The following SPHKAP variants were observed in gnomAD, a reference collection of about 807,000 sequenced individuals.
SPHKAP encodes the protein A-kinase anchor protein SPHKAP.
In SPHKAP, 67 loss-of-function variants were observed where a neutral mutation model predicts 137.5. The ratio of observed to expected loss-of-function variants is 0.49; its 90% CI spans 0.40 to 0.60. SPHKAP has a LOEUF of 0.60. SPHKAP is among the 20% of genes least tolerant of loss of function. SPHKAP has a pLI of 0.00. For missense variants in SPHKAP, 2,097 were observed against 2,069.3 expected (o/e 1.01, Z -0.26); for synonymous variants, 813 against 785.3 (o/e 1.04, Z -0.59).
chr2:228,009,864 C>T (rs2106195773), intron 7 of SPHKAP, among the ~76,000 whole-genome samples: 1 of 152,284 alleles, frequency 6.6e-6, no homozygotes, highest in Admixed American at 6.5e-5. Context: ...ATTCTTCACT[C>T]TGGCTAGTTG....
rs1343548749 is a variant in SPHKAP at position 228,132,058 on chromosome 2, G to T, written c.60C>A (p.Asp20Glu). ...PSNLESSRMY[D>E]VLEPQQGRGC... Reference sequence around the variant, plus strand: ...CTCTGCCCTGCTGCGGTTCCAAAACGTCATACATCCGTGATGACTCCAAGT... The same window carrying T: ...CTCTGCCCTGCTGCGGTTCCAAAACTTCATACATCCGTGATGACTCCAAGT... Residue 20 changes from aspartate (D) to glutamate (E), a missense_variant, in exon 2 of 12, where the codon GAC becomes GAA. Coordinates refer to ENST00000392056, the MANE Select transcript of SPHKAP (RefSeq NM_001142644.2). 2 of 1,613,906 alleles carry T rather than the reference G, an allele frequency of 1.2e-6. No individual in the cohort carries two copies. The highest frequency in any genetic ancestry group is 2.2e-5 in the South Asian group (2 of 91,082).
At chr2:228,180,073 C>T (rs1700855765) in intron 1 of SPHKAP, among the ~76,000 whole-genome samples, 1 of 151,918 alleles carries the variant, frequency 6.6e-6, no homozygotes, top group Non-Finnish European at 1.5e-5. Context: ...ACATCACTGG[C>T]AATTTTTTTT....
At chr2:228,002,763 T>A (rs1574729731) in intron 7 of SPHKAP, among the ~76,000 whole-genome samples, 2 of 152,314 alleles carry the variant, frequency 1.3e-5, no homozygotes, top group South Asian at 4.1e-4. Context: ...AAGGAAGGGA[T>A]CCAGTTTCAG....
intron 7 of SPHKAP, among the ~76,000 whole-genome samples, chr2:228,001,443 ATG>A (rs1693879233): frequency 7.0e-6 from 1 of 142,322 alleles, no homozygotes; most frequent in East Asian, 2.0e-4. Context: ...AAATATATAT[ATG>A]TATATATACG....
chr2:228,156,985 C>T (rs549916733), intron 1 of SPHKAP, among the ~76,000 whole-genome samples: 1 of 152,230 alleles, frequency 6.6e-6, no homozygotes, highest in Admixed American at 6.5e-5. Context: ...ATTAATACAG[C>T]TACTGGGCAG....
At chr2:228,144,476 G>C (rs76903397) in intron 1 of SPHKAP, among the ~76,000 whole-genome samples, 1 of 143,972 alleles carries the variant, frequency 6.9e-6, no homozygotes, top group African/African-American at 2.5e-5. Flanking sequence ...TTCATATATA[G>C]AAACATGAAA....
intron 3 of SPHKAP, among the ~76,000 whole-genome samples, chr2:228,039,730 A>G (rs1695767752): frequency 6.6e-6 from 1 of 152,208 alleles, no homozygotes; most frequent in Non-Finnish European, 1.5e-5. Flanking sequence ...ATTTTGACAG[A>G]TAAAGTCAGA....
chr2:227,993,412 G>C, intron 9 of SPHKAP, 122 bp downstream of exon 9: 1 of 874,442 alleles, frequency 1.1e-6, no homozygotes, highest in Non-Finnish European at 1.8e-6. Context: ...CAGTGACATG[G>C]AACCACAGCA....
At chr2:228,174,893 T>C (rs1700693850) in intron 1 of SPHKAP, among the ~76,000 whole-genome samples, 1 of 151,306 alleles carries the variant, frequency 6.6e-6, no homozygotes, top group Non-Finnish European at 1.5e-5. Flanking sequence ...ATGGAAATGC[T>C]AAAAATGTAA....
intron 1 of SPHKAP, among the ~76,000 whole-genome samples, chr2:228,162,414 A>C (rs939320982): frequency 6.6e-6 from 1 of 152,242 alleles, no homozygotes; most frequent in Non-Finnish European, 1.5e-5. Flanking sequence ...AATCAAGTGG[A>C]TCCTTCCCCT....
chr2:228,044,091 G>A (rs1695944428), intron 3 of SPHKAP, among the ~76,000 whole-genome samples: 2 of 152,256 alleles, frequency 1.3e-5, no homozygotes, highest in South Asian at 4.1e-4. Context: ...TCTCTCATAT[G>A]TTTGACAACC....
chr2:228,110,199 A>T (rs1489966676), intron 2 of SPHKAP, among the ~76,000 whole-genome samples: 2 of 152,032 alleles, frequency 1.3e-5, no homozygotes, highest in Non-Finnish European at 2.9e-5. Flanking sequence ...TTTTCTGTAA[A>T]GACAGAAATA....
At chr2:228,067,518 C>T (rs1696865706) in intron 3 of SPHKAP, among the ~76,000 whole-genome samples, 1 of 152,126 alleles carries the variant, frequency 6.6e-6, no homozygotes, top group East Asian at 1.9e-4. Flanking sequence ...AAACAGCCAG[C>T]CATCAGCAAG....
chr2:228,180,716 C>T (rs1026940383), intron 1 of SPHKAP, among the ~76,000 whole-genome samples: 1 of 152,236 alleles, frequency 6.6e-6, no homozygotes, highest in African/African-American at 2.4e-5. Flanking sequence ...AGGCCACCTG[C>T]CCGGCTGGGG....
At chr2:228,142,101 C>T (rs115744450) in intron 1 of SPHKAP, among the ~76,000 whole-genome samples, 9 of 152,118 alleles carry the variant, frequency 5.9e-5, no homozygotes, top group African/African-American at 1.7e-4. Flanking sequence ...TGGCTTGAGA[C>T]GCTCATGTTG....
At chr2:228,156,880 C>T (rs1339809655) in intron 1 of SPHKAP, among the ~76,000 whole-genome samples, 1 of 152,094 alleles carries the variant, frequency 6.6e-6, no homozygotes, top group Non-Finnish European at 1.5e-5. Context: ...GATTGTGAGG[C>T]CTCCCCAGCC....
At chr2:228,143,539 A>T (rs1699671237) in intron 1 of SPHKAP, among the ~76,000 whole-genome samples, 1 of 151,810 alleles carries the variant, frequency 6.6e-6, no homozygotes, top group Admixed American at 6.6e-5. Flanking sequence ...TCTGTCGCCC[A>T]GGCTGGAGTG....
intron 2 of SPHKAP, among the ~76,000 whole-genome samples, chr2:228,118,236 C>A (rs1046846867): frequency 8.2e-6 from 1 of 122,578 alleles, no homozygotes; most frequent in South Asian, 2.6e-4. Flanking sequence ...TGTGGAGATA[C>A]ACAGTTTTTT....
intron 8 of SPHKAP, 37 bp from the exon 9 acceptor site, chr2:227,993,657 C>A: frequency 6.6e-7 from 1 of 1,517,286 alleles, no homozygotes; most frequent in Non-Finnish European, 9.0e-7. Context: ...ATGCCCGTCT[C>A]CACCCTCTAA....
Sources: allele counts gnomAD v4.1 joint callset (sites outside exome capture counted in the v4.1 genomes callset), GRCh38; gene constraint gnomAD v4.1.1; transcripts MANE v1.5; gene names NCBI Gene and HGNC (gene_info 2026-07-23, HGNC 2026-07-21).